Variants in NRG3 observed in about 807,000 individuals in gnomAD.
NRG3 encodes pro-neuregulin-3, membrane-bound isoform.
In NRG3, 31 loss-of-function variants were observed where a neutral mutation model predicts 66.9. The ratio of observed to expected loss-of-function variants is 0.46; its 90% CI spans 0.35 to 0.63. The LOEUF is 0.63. Among genes scored for constraint, NRG3 ranks in the 20% least tolerant of loss-of-function variants. The probability of loss-of-function intolerance (pLI) is 0.00; values close to 1 mark genes in which losing one functional copy is unlikely to be tolerated. For missense variants in NRG3, 910 were observed against 878.9 expected, an observed-to-expected ratio of 1.04 and a Z score of -0.45; for synonymous variants, 393 against 359.4, an observed-to-expected ratio of 1.09 and a Z score of -1.06.
intron 1 of NRG3, among the ~76,000 whole-genome samples, chr10:82,153,411 T>TG: frequency 6.8e-6 from 1 of 146,632 alleles, no homozygotes; most frequent in East Asian, 2.0e-4. Flanking sequence ...TAGTATTCCA[T>TG]TGTGTGTGTG....
intron 1 of NRG3, among the ~76,000 whole-genome samples, chr10:82,226,073 A>G (rs915155625): frequency 5.3e-5 from 8 of 152,134 alleles, no homozygotes; most frequent in African/African-American, 1.9e-4. Flanking sequence ...ATTTTACCCC[A>G]AGAATCTATC....
chr10:82,617,402 G>A (rs918315075), intron 2 of NRG3, among the ~76,000 whole-genome samples: 4 of 151,748 alleles, frequency 2.6e-5, no homozygotes, highest in African/African-American at 9.7e-5. Flanking sequence ...CAGACACACG[G>A]CCAGCCGAAG....
At chr10:82,426,535 GA>G (rs940997058) in intron 2 of NRG3, among the ~76,000 whole-genome samples, 4 of 149,150 alleles carry the variant, frequency 2.7e-5, no homozygotes, top group Non-Finnish European at 4.4e-5. Context: ...GTGAGGACAG[GA>G]AATGGATGAC....
chr10:82,171,539 G>A (rs1213245202), intron 1 of NRG3, among the ~76,000 whole-genome samples: 1 of 152,124 alleles, frequency 6.6e-6, no homozygotes, highest in Non-Finnish European at 1.5e-5. Context: ...GAAGCAAGAT[G>A]TTTCCTTCAT....
intron 2 of NRG3, among the ~76,000 whole-genome samples, chr10:82,631,539 G>A (rs1042642484): frequency 6.7e-6 from 1 of 150,364 alleles, no homozygotes; most frequent in Non-Finnish European, 1.5e-5. Flanking sequence ...GTTTCCTTCA[G>A]CTTTTGTTTC....
intron 4 of NRG3, among the ~76,000 whole-genome samples, chr10:82,877,355 C>T (rs1429161363): frequency 6.9e-6 from 1 of 144,294 alleles, no homozygotes; most frequent in Non-Finnish European, 1.5e-5. Flanking sequence ...GTTCACAGTT[C>T]AGTGCATAGG....
intron 1 of NRG3, among the ~76,000 whole-genome samples, chr10:82,299,544 G>A (rs1244872977): frequency 1.8e-5 from 2 of 112,836 alleles, no homozygotes; most frequent in Non-Finnish European, 3.3e-5. Context: ...CTCCAATCCA[G>A]CCCTGTTTTT....
At chr10:82,732,203 C>A (rs898411663) in intron 2 of NRG3, among the ~76,000 whole-genome samples, 8 of 151,936 alleles carry the variant, frequency 5.3e-5, no homozygotes, top group Non-Finnish European at 1.0e-4. Context: ...GTCTTCTTAC[C>A]CATAGTTGAT....
intron 3 of NRG3, among the ~76,000 whole-genome samples, chr10:82,793,953 T>C (rs1357528287): frequency 6.6e-6 from 1 of 152,174 alleles, no homozygotes; most frequent in Non-Finnish European, 1.5e-5. Flanking sequence ...CTCTTTCACT[T>C]ATTTTTTTTA....
chr10:82,254,591 C>T (rs2077626878), intron 1 of NRG3, among the ~76,000 whole-genome samples: 1 of 151,876 alleles, frequency 6.6e-6, no homozygotes, highest in South Asian at 2.1e-4. Context: ...TATATATTTA[C>T]CTATATGAAC....
chr10:82,463,124 A>T (rs1387580717), intron 2 of NRG3, among the ~76,000 whole-genome samples: 3 of 152,194 alleles, frequency 2.0e-5, no homozygotes, highest in Admixed American at 6.5e-5. Flanking sequence ...TAATATTTTA[A>T]TTAATCATTA....
At position 82,537,567 on chromosome 10, in the gene NRG3, G is replaced by A. The variant is rs537635499; in HGVS notation, c.953+178699G>A. On this transcript the variant is annotated intron_variant, in intron 2 of 8. Transcript: ENST00000372141. ...GACTTTACACCTAAGGGTGGGATAT[G>A]AAACTCCTGGACTATTAGTGAGCAA... Among the ~76,000 whole-genome samples the A allele has an allele frequency of 2.0e-5, 3 of 152,284 alleles. No homozygotes were observed. The East Asian group carries it at 5.8e-4, about 29-fold the overall frequency.
chr10:82,674,002 G>A (rs79372916), intron 2 of NRG3, among the ~76,000 whole-genome samples: 3,304 of 152,136 alleles, frequency 0.022, 139 homozygotes, highest in African/African-American at 0.075. Flanking sequence ...CAGCATACAA[G>A]ATGTTCAACA....
intron 1 of NRG3, among the ~76,000 whole-genome samples, chr10:82,333,964 C>T (rs1422715842): frequency 2.0e-5 from 3 of 151,676 alleles, no homozygotes; most frequent in East Asian, 1.9e-4. Context: ...CTGAGGCGGG[C>T]GGATCACGAG....
chr10:82,223,516 G>T (rs958744459), intron 1 of NRG3, among the ~76,000 whole-genome samples: 1 of 152,040 alleles, frequency 6.6e-6, no homozygotes, highest in Non-Finnish European at 1.5e-5. Flanking sequence ...AACTCAGTTG[G>T]AGAGAATCAG....
At chr10:82,373,054 C>A (rs2084990602) in intron 2 of NRG3, among the ~76,000 whole-genome samples, 1 of 152,188 alleles carries the variant, frequency 6.6e-6, no homozygotes. Context: ...TTCTACAATT[C>A]CCTAGGTAGT....
At chr10:82,348,755 C>T (rs1382023652) in intron 1 of NRG3, among the ~76,000 whole-genome samples, 1 of 151,384 alleles carries the variant, frequency 6.6e-6, no homozygotes, top group Non-Finnish European at 1.5e-5. Flanking sequence ...TTCTTGGAGG[C>T]TTTGCTCATT....
chr10:82,077,812 A>G (rs2065171387), intron 1 of NRG3, among the ~76,000 whole-genome samples: 1 of 152,266 alleles, frequency 6.6e-6, no homozygotes, highest in Admixed American at 6.5e-5. Context: ...TTAGAATGAA[A>G]TTATATCAGA....
chr10:82,923,827 C>T (rs1846702103), intron 4 of NRG3, among the ~76,000 whole-genome samples: 1 of 151,870 alleles, frequency 6.6e-6, no homozygotes, highest in Non-Finnish European at 1.5e-5. Context: ...CATATGTGCA[C>T]TTGTTAAAGG....
Sources: allele counts gnomAD v4.1 joint callset (sites outside exome capture counted in the v4.1 genomes callset), GRCh38; gene constraint gnomAD v4.1.1; transcripts MANE v1.5; gene names NCBI Gene and HGNC (gene_info 2026-07-23, HGNC 2026-07-21).